The following DMC1 variants were observed in gnomAD, a reference collection of about 807,000 sequenced individuals.
The protein encoded by DMC1 is meiotic recombination protein DMC1 homolog.
In DMC1, 27 loss-of-function variants were observed where a neutral mutation model predicts 50.1. That is an observed-to-expected ratio of 0.54 (90% CI 0.40 to 0.74). The LOEUF (loss-of-function observed/expected upper bound fraction) is 0.74, where lower values mean the gene tolerates loss of function less well. Ranked by LOEUF, DMC1 falls within the 30% of genes least tolerant of loss-of-function variation. The pLI is 0.00. For missense variants in DMC1, 295 were observed against 420.2 expected (o/e 0.70, Z 2.60); for synonymous variants, 148 against 136.1 (o/e 1.09, Z -0.61).
At chr22:38,528,117 G>A (rs2090113870) in intron 12 of DMC1, among the ~76,000 whole-genome samples, 1 of 149,054 alleles carries the variant, frequency 6.7e-6, no homozygotes, top group African/African-American at 2.5e-5. Flanking sequence ...GCTAGAGTGC[G>A]GTGGCATGAT....
chr22:38,541,462 T>C (rs1462131587), intron 8 of DMC1, among the ~76,000 whole-genome samples: 2 of 152,130 alleles, frequency 1.3e-5, no homozygotes, highest in African/African-American at 4.8e-5. Context: ...CAGCTAATTT[T>C]TGTATTTTTA....
At chr22:38,543,770 G>A (rs1161640957) in intron 8 of DMC1, among the ~76,000 whole-genome samples, 1 of 152,024 alleles carries the variant, frequency 6.6e-6, no homozygotes, top group Non-Finnish European at 1.5e-5. Context: ...TCTGTCCTAA[G>A]TCACCCCTGG....
intron 2 of DMC1, among the ~76,000 whole-genome samples, chr22:38,567,878 C>T (rs1485130421): frequency 6.6e-6 from 1 of 152,168 alleles, no homozygotes; most frequent in African/African-American, 2.4e-5. Context: ...AGGACTGGAA[C>T]AACATTTGAA....
At chr22:38,521,931 T>C (rs914315413) in intron 12 of DMC1, among the ~76,000 whole-genome samples, 3 of 151,900 alleles carry the variant, frequency 2.0e-5, no homozygotes, top group African/African-American at 4.8e-5. Context: ...TTGAGATTCC[T>C]ATGATAAATA....
intron 12 of DMC1, among the ~76,000 whole-genome samples, chr22:38,532,907 C>G (rs571123398): frequency 2.0e-5 from 3 of 151,988 alleles, no homozygotes; most frequent in Non-Finnish European, 4.4e-5. Context: ...CGTGCTTGGC[C>G]GAGGCCAGGA....
chr22:38,510,751 A>G, the DMC1 span, among the ~76,000 whole-genome samples: 2 of 152,240 alleles, frequency 1.3e-5, no homozygotes, highest in Non-Finnish European at 2.9e-5. Flanking sequence ...CAGAACCAGC[A>G]CACCGAAGGT....
intron 4 of DMC1, among the ~76,000 whole-genome samples, chr22:38,564,469 C>G (rs2146019260): frequency 6.6e-6 from 1 of 152,214 alleles, no homozygotes; most frequent in South Asian, 2.1e-4. Context: ...GCCACCATGC[C>G]TGGCTAATTT....
intron 12 of DMC1, among the ~76,000 whole-genome samples, chr22:38,527,967 T>C (rs568131339): frequency 7.2e-5 from 11 of 152,294 alleles, no homozygotes; most frequent in African/African-American, 2.4e-4. Context: ...CTATATTACC[T>C]TGGGGTACCT....
At chr22:38,511,065 T>A in the DMC1 span, among the ~76,000 whole-genome samples, 2 of 151,806 alleles carry the variant, frequency 1.3e-5, no homozygotes, top group South Asian at 4.2e-4. Context: ...GCCCAGGCAT[T>A]TGAGGTTGCA....
chr22:38,566,637 A>G lies in DMC1; in HGVS notation c.196T>C (p.Ser66Pro). ...TTAATCTTGTCTACTTTGGCTTCTG[A>G]GAGTCCTTTGACATTGCATAGAGCT... The part of the protein sequence containing the change: ...RRALCNVKGL[S>P]EAKVDKIKEA... Residue 66 changes from serine to proline, a missense_variant, in exon 4 of 14, where the codon TCA becomes CCA. By Grantham distance (74) the Ser-to-Pro change is moderately conservative. Transcript: ENST00000216024. The G allele has an allele frequency of 6.2e-7, 1 of 1,614,186 alleles. No homozygotes were observed. The highest frequency in any genetic ancestry group is 1.1e-5 in the South Asian group (1 of 91,084).
chr22:38,545,227 G>A (rs2090330714), intron 8 of DMC1, among the ~76,000 whole-genome samples: 1 of 151,748 alleles, frequency 6.6e-6, no homozygotes, highest in Non-Finnish European at 1.5e-5. Context: ...TGGGCAACAT[G>A]GTGAGACCCT....
chr22:38,521,646 C>G lies in DMC1; in HGVS notation c.915G>C (p.Lys305Asn). The G allele has an allele frequency of 9.3e-6, 15 of 1,613,784 alleles. No homozygotes were observed. Among genetic ancestry groups the G allele is most frequent in the Non-Finnish European group, 1.3e-5 (15 of 1,179,868 alleles). Residue 305 changes from lysine to asparagine, a missense_variant, in exon 13 of 14, where the codon AAG (lysine) becomes AAC (asparagine). Physicochemically the swap from Lys to Asn is moderately conservative, Grantham distance 94. Coordinates refer to ENST00000216024, the MANE Select transcript of DMC1 (RefSeq NM_007068.4). ...TGGCAATTCTGAGCTCTCCTCTTCC[C>G]TTTCGCAAGCTTATTCTTGTTGTTG... Reference protein sequence around the residue: ...HASTTRISLRKGRGELRIAKI... With the variant: ...HASTTRISLRNGRGELRIAKI...
At chr22:38,538,195 T>A (rs987566588) in intron 11 of DMC1, 100 bp downstream of exon 11, 30 of 927,236 alleles carry the variant, frequency 3.2e-5, no homozygotes, top group South Asian at 1.5e-4. Flanking sequence ...TAATTTTATT[T>A]AAAAAAAAAT....
At chr22:38,538,694 C>G in intron 9 of DMC1, 82 bp from the exon 10 acceptor site, 1 of 1,203,774 alleles carries the variant, frequency 8.3e-7, no homozygotes, top group Non-Finnish European at 1.2e-6. Context: ...GGGAGCCAGG[C>G]AAAATAAATT....
At chr22:38,543,860 G>A (rs531405453) in intron 8 of DMC1, among the ~76,000 whole-genome samples, 12 of 152,076 alleles carry the variant, frequency 7.9e-5, no homozygotes, top group African/African-American at 2.9e-4. Context: ...CCACCACTCC[G>A]ACTCATAACC....
In DMC1 at chr22:38,529,272, G is replaced by T. The variant is rs531554881; in HGVS notation, c.837-7548C>A. Among the ~76,000 whole-genome samples, 4 of 152,182 alleles carry T rather than the reference G, an allele frequency of 2.6e-5. No individual in the cohort carries two copies. The South Asian group carries it at 8.3e-4, about 32-fold the overall frequency. On this transcript the variant is annotated intron_variant, in intron 12 of 13. Transcript: ENST00000216024. Reference sequence around the variant, plus strand: ...GATCCACCTGCCTCGGCCTCCCAAAGCACTGGGATTACAGGCGTGAGCCAC... The same window carrying T: ...GATCCACCTGCCTCGGCCTCCCAAATCACTGGGATTACAGGCGTGAGCCAC...
chr22:38,552,156 C>G (rs1200535951), intron 7 of DMC1, among the ~76,000 whole-genome samples: 4 of 152,020 alleles, frequency 2.6e-5, no homozygotes, highest in Non-Finnish European at 5.9e-5. Flanking sequence ...CCACCGGGCC[C>G]GGCCAGAACT....
At chr22:38,539,532 T>TAC in intron 8 of DMC1, 120 bp from the exon 9 acceptor site, 3 of 801,502 alleles carry the variant, frequency 3.7e-6, no homozygotes, top group Non-Finnish European at 6.4e-6. Flanking sequence ...CCTGTGAAGG[T>TAC]ATTCTAGAGG....
At position 38,540,759 on chromosome 22, in the gene DMC1, T is replaced by C. The variant is rs529027987; in HGVS notation, c.495-1347A>G. 1.1e-4 allele frequency among the ~76,000 whole-genome samples: 17 copies of C among 152,322 alleles called. No homozygotes were observed. In the South Asian group the frequency reaches 3.5e-3, roughly 32 times the overall value. The stretch of plus-strand genomic sequence containing the variant: ...TATTGAGTATACCCAGTAGATGTTT[T>C]TGGTGGACAAGTTAGACAGGGAATT... On this transcript the variant is annotated intron_variant, in intron 8 of 13. Transcript: ENST00000216024.
Sources: allele counts gnomAD v4.1 joint callset (sites outside exome capture counted in the v4.1 genomes callset), GRCh38; gene constraint gnomAD v4.1.1; transcripts MANE v1.5; gene names NCBI Gene and HGNC (gene_info 2026-07-23, HGNC 2026-07-21).